The following RALYL variants were observed in gnomAD, a reference collection of about 807,000 sequenced individuals.
RALYL encodes RNA-binding Raly-like protein.
A neutral mutation model predicts 35.1 loss-of-function variants in RALYL; 29 were observed. The ratio of observed to expected loss-of-function variants is 0.83; its 90% CI spans 0.61 to 1.13. RALYL has a LOEUF of 1.13. Ranked by LOEUF, RALYL falls within the 50% of genes most tolerant of loss-of-function variation. RALYL has a pLI of 0.00. For missense variants in RALYL, 359 were observed against 360.4 expected, an observed-to-expected ratio of 1.00 and a Z score of 0.03; for synonymous variants, 120 against 127.6, an observed-to-expected ratio of 0.94 and a Z score of 0.40.
intron 1 of RALYL, among the ~76,000 whole-genome samples, chr8:84,234,129 C>T (rs1417658154): frequency 6.6e-6 from 1 of 152,060 alleles, no homozygotes; most frequent in Admixed American, 6.6e-5. Context: ...CCAGATAACT[C>T]CAATAATTTT....
chr8:84,371,572 C>CACACACAGAAAGAGAGAGAG (rs60104734), intron 1 of RALYL, among the ~76,000 whole-genome samples: 291 of 147,462 alleles, frequency 2.0e-3, no homozygotes, highest in African/African-American at 6.7e-3. Flanking sequence ...CACACACACA[C>CACACACAGAAAGAGAGAGAG]AGAAAGAGAG....
intron 1 of RALYL, among the ~76,000 whole-genome samples, chr8:84,499,196 A>G (rs1408723384): frequency 1.3e-5 from 2 of 152,052 alleles, no homozygotes; most frequent in East Asian, 3.9e-4. Context: ...CGCATCATTC[A>G]GTGAACATTG....
At chr8:84,566,820 A>G (rs1175750739) in intron 2 of RALYL, among the ~76,000 whole-genome samples, 1 of 151,750 alleles carries the variant, frequency 6.6e-6, no homozygotes, top group South Asian at 2.1e-4. Context: ...AGTTATCTAA[A>G]TTATTGAAAC....
intron 1 of RALYL, among the ~76,000 whole-genome samples, chr8:84,324,986 C>T (rs1318846008): frequency 6.6e-6 from 1 of 152,130 alleles, no homozygotes; most frequent in Non-Finnish European, 1.5e-5. Flanking sequence ...AAGCTTGAAT[C>T]ATACTGTGTA....
At chr8:84,621,324 A>C (rs574608160) in intron 2 of RALYL, among the ~76,000 whole-genome samples, 2 of 152,260 alleles carry the variant, frequency 1.3e-5, no homozygotes, top group Admixed American at 6.5e-5. Context: ...GCCCGTCGGA[A>C]AAGCGCAGTA....
At position 84,185,276 on chromosome 8, in the gene RALYL, A is replaced by G. The variant is rs1220127423; in HGVS notation, c.-24+852A>G. 9.8e-5 allele frequency: 52 copies of G among 529,450 alleles called. No homozygotes were observed. In the Admixed American group the frequency reaches 1.6e-3, roughly 16 times the overall value. The allele number at this position is 529,450 out of a possible 1,614,324, so 32.8% of individuals were successfully genotyped here. A position where few individuals can be genotyped will look rare whatever the true frequency, so the allele number is the denominator to read the frequency against. Reference sequence around the variant, plus strand: ...TTTATTTAAATTTTGTTAAAGGGGCAGAGTTTTCCCTCTTTTTAACCACCT... The same window carrying G: ...TTTATTTAAATTTTGTTAAAGGGGCGGAGTTTTCCCTCTTTTTAACCACCT... On this transcript the variant is annotated intron_variant, in intron 1 of 8. Transcript: ENST00000521268.
Position 84,268,733 on chromosome 8 carries a change from T to C in RALYL, c.-24+84309T>C, listed in dbSNP as rs143546032. ...TTTTATCTAGTCCATTCAAGCAATTTCTATAACAAAGTATTAATAGCTGCC... is the reference window on the plus strand; with the variant it reads ...TTTTATCTAGTCCATTCAAGCAATTCCTATAACAAAGTATTAATAGCTGCC... On this transcript the variant is annotated intron_variant, in intron 1 of 8. Coordinates refer to ENST00000521268, the MANE Select transcript of RALYL (RefSeq NM_173848.7). Among the ~76,000 whole-genome samples, 321 of 152,308 alleles carry C rather than the reference T, an allele frequency of 2.1e-3. 5 individuals are homozygous for C. The highest frequency in any genetic ancestry group is 0.017 in the Admixed American group (253 of 15,302).
At chr8:84,581,081 T>C (rs1270775560) in intron 2 of RALYL, among the ~76,000 whole-genome samples, 3 of 152,176 alleles carry the variant, frequency 2.0e-5, no homozygotes, top group African/African-American at 7.2e-5. Flanking sequence ...AGATTGAACT[T>C]TCCATGTTGG....
intron 1 of RALYL, among the ~76,000 whole-genome samples, chr8:84,429,129 G>A (rs1054483223): frequency 2.0e-5 from 3 of 152,068 alleles, no homozygotes; most frequent in African/African-American, 4.8e-5. Flanking sequence ...CTAGGAAGGG[G>A]CACGAAAAAG....
intron 1 of RALYL, among the ~76,000 whole-genome samples, chr8:84,191,091 A>G (rs1813737814): frequency 6.6e-6 from 1 of 151,918 alleles, no homozygotes; most frequent in Non-Finnish European, 1.5e-5. Context: ...AATAAACTAA[A>G]TGAATGTGAT....
intron 1 of RALYL, among the ~76,000 whole-genome samples, chr8:84,349,347 G>A (rs989990583): frequency 2.0e-5 from 3 of 150,404 alleles, no homozygotes; most frequent in Non-Finnish European, 4.4e-5. Context: ...GAATTTTCAT[G>A]AGTACTTCAC....
At chr8:84,261,380 C>G (rs1180502797) in intron 1 of RALYL, among the ~76,000 whole-genome samples, 1 of 152,170 alleles carries the variant, frequency 6.6e-6, no homozygotes, top group East Asian at 1.9e-4. Flanking sequence ...TTTCTCCCAT[C>G]CTTTCCTCCT....
chr8:84,553,976 A>C (rs2060924237), intron 2 of RALYL, among the ~76,000 whole-genome samples: 1 of 152,212 alleles, frequency 6.6e-6, no homozygotes, highest in Admixed American at 6.5e-5. Context: ...AGAATACAAA[A>C]TGCTTTTTAA....
intron 1 of RALYL, among the ~76,000 whole-genome samples, chr8:84,329,798 A>G (rs1021179437): frequency 6.6e-6 from 1 of 152,108 alleles, no homozygotes; most frequent in Non-Finnish European, 1.5e-5. Context: ...TAGGTTTTAA[A>G]TGACAGCCAT....
chr8:84,750,394 T>G (rs1166864151), intron 2 of RALYL, among the ~76,000 whole-genome samples: 1 of 152,120 alleles, frequency 6.6e-6, no homozygotes, highest in Non-Finnish European at 1.5e-5. Flanking sequence ...AAGACCCAGG[T>G]GCTTTCTATA....
At chr8:84,802,073 AT>A (rs1207752375) in intron 3 of RALYL, among the ~76,000 whole-genome samples, 1 of 152,156 alleles carries the variant, frequency 6.6e-6, no homozygotes, top group Non-Finnish European at 1.5e-5. Flanking sequence ...CATAGCAAAT[AT>A]TTTAGGATTT....
intron 4 of RALYL, among the ~76,000 whole-genome samples, chr8:84,839,890 G>GC (rs1832838433): frequency 6.6e-6 from 1 of 152,204 alleles, no homozygotes; most frequent in East Asian, 1.9e-4. Flanking sequence ...AACTCCAACA[G>GC]ACCTGCAGCT....
intron 2 of RALYL, among the ~76,000 whole-genome samples, chr8:84,699,450 T>C (rs1173580306): frequency 6.6e-6 from 1 of 152,146 alleles, no homozygotes; most frequent in Non-Finnish European, 1.5e-5. Flanking sequence ...CTGGGAAATC[T>C]AAGATCAAAG....
At chr8:84,645,148 T>G (rs2131424128) in intron 2 of RALYL, among the ~76,000 whole-genome samples, 1 of 152,176 alleles carries the variant, frequency 6.6e-6, no homozygotes, top group East Asian at 1.9e-4. Flanking sequence ...TAATCACATT[T>G]AGGATGTGAC....
Sources: gnomAD v4.1 joint callset for allele counts (sites outside exome capture counted in the v4.1 genomes callset) on GRCh38, gnomAD v4.1.1 for gene constraint, MANE v1.5 for transcripts, NCBI Gene and HGNC (gene_info 2026-07-23, HGNC 2026-07-21) for gene names.